RFTN1: variants seen among roughly 807,000 people sequenced by gnomAD.
RFTN1 encodes raftlin.
A neutral mutation model predicts 46.5 loss-of-function variants in RFTN1; 26 were observed. That is an observed-to-expected ratio of 0.56 (90% CI 0.41 to 0.78). RFTN1 has a LOEUF of 0.78. Ranked by LOEUF, RFTN1 falls within the 30% of genes least tolerant of loss-of-function variation. The pLI, the probability that RFTN1 is intolerant of heterozygous loss-of-function variation, is 0.00. For synonymous variants in RFTN1, 261 were observed against 284.2 expected (o/e 0.92, Z 0.82); for missense variants, 693 against 718.7 (o/e 0.96, Z 0.41).
Position 16,365,731 on chromosome 3 carries a change from C to T in RFTN1, c.1030+4345G>A, listed in dbSNP as rs993587605. 5.9e-5 allele frequency among the ~76,000 whole-genome samples: 9 copies of T among 152,256 alleles called. No individual in the cohort carries two copies. In the East Asian group the frequency reaches 1.5e-3, roughly 26 times the overall value. ...ATTCTTGTCATAATTCTTAACTTAT[C>T]AAGGCCTTAGAACTAACTTCCAGGT... On this transcript the variant is annotated intron_variant, in intron 6 of 9. Transcript: ENST00000334133.
rs1216252083 is a variant in RFTN1, at chr3:16,327,819, C to T, written c.1147-943G>A. On this transcript the variant is annotated intron_variant, in intron 7 of 9. Coordinates refer to ENST00000334133, the MANE Select transcript of RFTN1 (RefSeq NM_015150.2). The surrounding 1 kb of genome is among the most constrained non-coding windows in gnomAD (Gnocchi z 4.2). ...CCCCTGCTAGCACAGGGAGAGAGCC[C>T]TGATGTGAGGCCCCTGCACTGGCTT... is the stretch of plus-strand genomic sequence containing the variant. Among the ~76,000 whole-genome samples, 1 of 152,066 alleles carries T rather than the reference C, an allele frequency of 6.6e-6. No homozygotes were observed. Among genetic ancestry groups the T allele is most frequent in the African/African-American group, 2.4e-5 (1 of 41,404 alleles).
intron 7 of RFTN1, among the ~76,000 whole-genome samples, chr3:16,331,747 G>A (rs1172869878): frequency 6.6e-6 from 1 of 152,166 alleles, no homozygotes; most frequent in African/African-American, 2.4e-5. Flanking sequence ...TACTGTCTAT[G>A]GCTGGTATGT....
chr3:16,428,018 A>G lies in RFTN1; in HGVS notation c.332+5833T>C, dbSNP rs182894813. Among the ~76,000 whole-genome samples, 3 of 147,026 alleles carry G rather than the reference A, an allele frequency of 2.0e-5. No homozygotes were observed. The highest frequency in any genetic ancestry group is 1.3e-4 in the Admixed American group (2 of 14,990). On this transcript the variant is annotated intron_variant, in intron 3 of 9. Coordinates refer to ENST00000334133, the MANE Select transcript of RFTN1 (RefSeq NM_015150.2). This position sits in a 1 kb window ranked among gnomAD's most constrained non-coding sequence, Gnocchi z 4.7. ...ACCTGGGCAATTATATAATTTGCAC[A>G]TATATTTTGCAGCTCCCTAGTAGAT...
rs2070739440 is a variant in RFTN1, at chr3:16,335,318, G to A, written c.1147-8442C>T. Among the ~76,000 whole-genome samples the A allele has an allele frequency of 1.3e-5, 2 of 152,278 alleles. No homozygotes were observed. Among genetic ancestry groups the A allele is most frequent in the East Asian group, 1.9e-4 (1 of 5,164 alleles). On this transcript the variant is annotated intron_variant, in intron 7 of 9. Transcript: ENST00000334133. This position sits in a 1 kb window ranked among gnomAD's most constrained non-coding sequence, Gnocchi z 4.7. Reference sequence around the variant, plus strand: ...GTGAGGGGGTGAGCAGAAGATGAACGAAAATGGGCTGAGTGGGAAGGAATC... The same window carrying A: ...GTGAGGGGGTGAGCAGAAGATGAACAAAAATGGGCTGAGTGGGAAGGAATC...
rs10703577 is a variant in RFTN1 at position 16,345,264 on chromosome 3, TTGTGTGTGTGTGTGTGTGTGTGTGTG to T, written c.1146+12642_1146+12667del. 1.4e-5 allele frequency: 2 copies of T among 145,838 alleles called. No individual in the cohort carries two copies. Among genetic ancestry groups the T allele is most frequent in the Admixed American group, 6.7e-5 (1 of 14,848 alleles). 9.0% of individuals were successfully genotyped at this position (145,838 alleles called of 1,614,324 possible). A position where few individuals can be genotyped will look rare whatever the true frequency, so the allele number is the denominator to read the frequency against. ...AAACTGTAAGATAATAAGTAGGTGG[TTGTGTGTGTGTGTGTGTGTGTGTGTG>T]TGTGTGTGTGTTTAAAGCTGTTATA... On this transcript the variant is annotated intron_variant, in intron 7 of 9. Coordinates refer to ENST00000334133, the MANE Select transcript of RFTN1 (RefSeq NM_015150.2). The surrounding 1 kb of genome is among the most constrained non-coding windows in gnomAD (Gnocchi z 5.2).
chr3:16,368,602 T>G (rs1335331118), intron 6 of RFTN1, among the ~76,000 whole-genome samples: 1 of 147,794 alleles, frequency 6.8e-6, no homozygotes, highest in Non-Finnish European at 1.5e-5. Flanking sequence ...ACCTGGGAGG[T>G]GGAGCTTGCA....
Position 16,361,359 on chromosome 3 carries a change from T to A in RFTN1, c.1031-3312A>T, listed in dbSNP as rs2072817837. On this transcript the variant is annotated intron_variant, in intron 6 of 9. Coordinates refer to ENST00000334133, the MANE Select transcript of RFTN1 (RefSeq NM_015150.2). The surrounding 1 kb of genome is among the most constrained non-coding windows in gnomAD (Gnocchi z 4.3). The stretch of plus-strand genomic sequence containing the variant: ...ACTAGAGATCTCACAAGCAGCAAGA[T>A]AAAGTCCCTGCCTACATGAAGCTTA... 6.6e-6 allele frequency among the ~76,000 whole-genome samples: 1 copy of A among 152,098 alleles called. No individual in the cohort carries two copies.
chr3:16,421,023 T>G lies in RFTN1; in HGVS notation c.333-11540A>C, dbSNP rs2075173144. Among the ~76,000 whole-genome samples, 2 of 152,166 alleles carry G rather than the reference T, an allele frequency of 1.3e-5. No individual in the cohort carries two copies. Among genetic ancestry groups the G allele is most frequent in the African/African-American group, 4.8e-5 (2 of 41,428 alleles). Reference sequence around the variant, plus strand: ...CAGTGTGTCTCAAATGCTGAGTGGATCAATTGTCTCCAAATTTTTCTGATC... The same window carrying G: ...CAGTGTGTCTCAAATGCTGAGTGGAGCAATTGTCTCCAAATTTTTCTGATC... On this transcript the variant is annotated intron_variant, in intron 3 of 9. Coordinates refer to ENST00000334133, the MANE Select transcript of RFTN1 (RefSeq NM_015150.2). This position sits in a 1 kb window ranked among gnomAD's most constrained non-coding sequence, Gnocchi z 4.6.
In RFTN1 at chr3:16,384,465, G is replaced by C. The variant is rs1043034698; in HGVS notation, c.442-6363C>G. ...GGACTTCATCTGGTATCGATTCCAG[G>C]TCCTACGTGAGAGGCTGAAGTGTGG... On this transcript the variant is annotated intron_variant, in intron 4 of 9. Coordinates refer to ENST00000334133, the MANE Select transcript of RFTN1 (RefSeq NM_015150.2). The surrounding 1 kb of genome is among the most constrained non-coding windows in gnomAD (Gnocchi z 4.7). Among the ~76,000 whole-genome samples, 3 of 152,170 alleles carry C rather than the reference G, an allele frequency of 2.0e-5. No individual in the cohort carries two copies. The highest frequency in any genetic ancestry group is 7.2e-5 in the African/African-American group (3 of 41,430).
At chr3:16,467,728 G>T (rs1009032567) in intron 2 of RFTN1, among the ~76,000 whole-genome samples, 4 of 152,210 alleles carry the variant, frequency 2.6e-5, no homozygotes, top group African/African-American at 9.6e-5. Context: ...AGCTTCAGGG[G>T]CATGCAAGTG....
intron 3 of RFTN1, among the ~76,000 whole-genome samples, chr3:16,419,301 C>A (rs531771173): frequency 1.8e-4 from 28 of 152,028 alleles, no homozygotes; most frequent in Non-Finnish European, 2.9e-4. Context: ...TGAGAAAGGA[C>A]GGTACTCGCC....
rs1382462728 is a variant in RFTN1, at chr3:16,509,906, C to T, written c.-9+3536G>A. On this transcript the variant is annotated intron_variant, in intron 1 of 9. Coordinates refer to ENST00000334133, the MANE Select transcript of RFTN1 (RefSeq NM_015150.2). The surrounding 1 kb of genome is among the most constrained non-coding windows in gnomAD (Gnocchi z 4.9). ...CAAGACTGAGCTGTCTGCCATCTGA[C>T]TCCTGCAAAGCTTGGTCAGCCCTGG... 6.6e-6 allele frequency among the ~76,000 whole-genome samples: 1 copy of T among 152,216 alleles called. No individual in the cohort carries two copies. Among genetic ancestry groups the T allele is most frequent in the African/African-American group, 2.4e-5 (1 of 41,454 alleles).
chr3:16,383,650 A>G lies in RFTN1; in HGVS notation c.442-5548T>C, dbSNP rs1288755893. 2.0e-5 allele frequency among the ~76,000 whole-genome samples: 3 copies of G among 152,224 alleles called. No homozygotes were observed. Among genetic ancestry groups the G allele is most frequent in the Non-Finnish European group, 4.4e-5 (3 of 68,046 alleles). ...TAATGATAAGTGCGATATATACTCT[A>G]TGTGCATGCGAATATACGTATTTGT... On this transcript the variant is annotated intron_variant, in intron 4 of 9. Transcript: ENST00000334133. This position sits in a 1 kb window ranked among gnomAD's most constrained non-coding sequence, Gnocchi z 4.0.
At chr3:16,399,429 T>C (rs1168892969) in intron 4 of RFTN1, among the ~76,000 whole-genome samples, 1 of 152,200 alleles carries the variant, frequency 6.6e-6, no homozygotes, top group Non-Finnish European at 1.5e-5. Flanking sequence ...AGTGACTTCA[T>C]GGCCACTCCA....
At chr3:16,444,469 G>A (rs2075692093) in intron 2 of RFTN1, among the ~76,000 whole-genome samples, 1 of 152,198 alleles carries the variant, frequency 6.6e-6, no homozygotes, top group Non-Finnish European at 1.5e-5. Flanking sequence ...TAGGTAAACA[G>A]CCATGTCTAC....
Position 16,323,252 on chromosome 3 carries a change from G to T in RFTN1, c.1332+124C>A, listed in dbSNP as rs1002066961. Reference sequence around the variant, plus strand: ...GTGATTCGGGTTGCCAGGGGCTCAGGTGTTCCTTGGGCTCTGCGAGCCCTT... The same window carrying T: ...GTGATTCGGGTTGCCAGGGGCTCAGTTGTTCCTTGGGCTCTGCGAGCCCTT... On this transcript the variant is annotated intron_variant, in intron 9 of 9. Transcript: ENST00000334133. The T allele has an allele frequency of 8.8e-6, 6 of 680,672 alleles. No individual in the cohort carries two copies. In the Admixed American group the frequency reaches 1.4e-4, roughly 16 times the overall value. 42.2% of individuals were successfully genotyped at this position (680,672 alleles called of 1,614,324 possible). A position where few individuals can be genotyped will look rare whatever the true frequency, so the allele number is the denominator to read the frequency against.
chr3:16,485,207 T>C (rs2076428190), intron 2 of RFTN1, among the ~76,000 whole-genome samples: 2 of 152,096 alleles, frequency 1.3e-5, no homozygotes, highest in African/African-American at 2.4e-5. Context: ...ACTGGAAATT[T>C]CCCAAATGTT....
In RFTN1 at chr3:16,358,059, G is replaced by C; in HGVS notation, c.1031-12C>G. On this transcript the variant is annotated splice_polypyrimidine_tract_variant and intron_variant, in intron 6 of 9. Transcript: ENST00000334133. ...GCCATGTAAGGAATCTGTGGAAAAA[G>C]AAAAAGGCGGGGGTGGGGGGGGTCT... is the stretch of plus-strand genomic sequence containing the variant. 5.7e-5 allele frequency: 24 copies of C among 422,458 alleles called. No homozygotes were observed. The highest frequency in any genetic ancestry group is 9.5e-5 in the Non-Finnish European group (23 of 241,872). The allele number at this position is 422,458 out of a possible 1,614,324, so 26.2% of individuals were successfully genotyped here.
rs2075194461 is a variant in RFTN1 at position 16,421,944 on chromosome 3, A to G, written c.332+11907T>C. On this transcript the variant is annotated intron_variant, in intron 3 of 9. Coordinates refer to ENST00000334133, the MANE Select transcript of RFTN1 (RefSeq NM_015150.2). This position sits in a 1 kb window ranked among gnomAD's most constrained non-coding sequence, Gnocchi z 4.6. ...AGGCCCCTCCTGCTCCATACAGCACATGTGACCTCTGACATACACACCAAG... is the reference window on the plus strand; with the variant it reads ...AGGCCCCTCCTGCTCCATACAGCACGTGTGACCTCTGACATACACACCAAG... 6.6e-6 allele frequency among the ~76,000 whole-genome samples: 1 copy of G among 152,148 alleles called. No homozygotes were observed. Among genetic ancestry groups the G allele is most frequent in the African/African-American group, 2.4e-5 (1 of 41,432 alleles).
Sources: gnomAD v4.1 joint callset for allele counts (sites outside exome capture counted in the v4.1 genomes callset) on GRCh38, gnomAD v4.1.1 for gene constraint, Gnocchi (gnomAD v3.1) non-coding constraint, MANE v1.5 for transcripts, NCBI Gene and HGNC (gene_info 2026-07-23, HGNC 2026-07-21) for gene names.